CNTNAP2: variants seen among roughly 807,000 people sequenced by gnomAD.
The protein encoded by CNTNAP2 is contactin-associated protein-like 2.
A neutral mutation model predicts 155.2 loss-of-function variants in CNTNAP2; 98 were observed. The observed-to-expected ratio is 0.63, with a 90% CI of 0.54 to 0.75. The LOEUF is 0.75. Among genes scored for constraint, CNTNAP2 ranks in the 30% least tolerant of loss-of-function variants. The pLI is 0.00. For missense variants in CNTNAP2, 1,727 were observed against 1,688.1 expected (o/e 1.02, Z -0.40); for synonymous variants, 651 against 631.2 (o/e 1.03, Z -0.47).
intron 1 of CNTNAP2, among the ~76,000 whole-genome samples, chr7:146,512,417 A>T (rs1292316554): frequency 1.3e-5 from 2 of 151,138 alleles, no homozygotes; most frequent in African/African-American, 2.4e-5. Flanking sequence ...TTTTATGTAG[A>T]TGTTCATTGC....
chr7:147,373,002 T>C (rs1189735142), intron 9 of CNTNAP2, among the ~76,000 whole-genome samples: 6 of 152,152 alleles, frequency 3.9e-5, no homozygotes, highest in African/African-American at 1.4e-4. Flanking sequence ...TTTGTTAATA[T>C]ATTCCATCAC....
At chr7:146,484,899 G>T (rs1797031095) in intron 1 of CNTNAP2, among the ~76,000 whole-genome samples, 1 of 151,914 alleles carries the variant, frequency 6.6e-6, no homozygotes, top group Non-Finnish European at 1.5e-5. Context: ...GTTATTTTCT[G>T]TTTTCTTTAC....
rs76196611 is a variant in CNTNAP2, at chr7:146,168,118, G to A, written c.97+51145G>A. Among the ~76,000 whole-genome samples the A allele has an allele frequency of 6.0e-3, 909 of 152,140 alleles. 6 individuals carry two copies. The highest frequency in any genetic ancestry group is 0.021 in the African/African-American group (878 of 41,538). On this transcript the variant is annotated intron_variant, in intron 1 of 23. Coordinates refer to ENST00000361727, the MANE Select transcript of CNTNAP2 (RefSeq NM_014141.6). ...TGGCTGTGCTGGCAGCTAATTACAT[G>A]GTGCCCACCCAGATTGAGGGTGGGT...
intron 14 of CNTNAP2, among the ~76,000 whole-genome samples, chr7:147,964,965 A>G (rs749642338): frequency 5.3e-5 from 8 of 152,176 alleles, no homozygotes; most frequent in African/African-American, 9.6e-5. Flanking sequence ...TCACTGTGAA[A>G]TTATCTAGTT....
At chr7:147,887,303 C>T (rs989047032) in intron 13 of CNTNAP2, among the ~76,000 whole-genome samples, 1 of 152,094 alleles carries the variant, frequency 6.6e-6, no homozygotes, top group Non-Finnish European at 1.5e-5. Flanking sequence ...GAAACCCCAT[C>T]TCTACTAAAA....
intron 13 of CNTNAP2, among the ~76,000 whole-genome samples, chr7:147,745,161 A>G (rs951225077): frequency 1.3e-5 from 2 of 152,146 alleles, no homozygotes; most frequent in African/African-American, 4.8e-5. Flanking sequence ...AGGCAAATCA[A>G]TTTCTCAAGT....
chr7:147,100,396 T>C (rs1800629911), intron 4 of CNTNAP2, among the ~76,000 whole-genome samples: 1 of 152,148 alleles, frequency 6.6e-6, no homozygotes, highest in Non-Finnish European at 1.5e-5. Flanking sequence ...CCTCTGAAAA[T>C]CAATAACCAT....
At chr7:148,113,397 G>T (rs1030570023) in intron 15 of CNTNAP2, among the ~76,000 whole-genome samples, 2 of 152,110 alleles carry the variant, frequency 1.3e-5, no homozygotes, top group African/African-American at 4.8e-5. Flanking sequence ...CAAGGGCAAT[G>T]GTGCTAAACT....
intron 1 of CNTNAP2, among the ~76,000 whole-genome samples, chr7:146,749,568 A>G (rs1040658961): frequency 3.9e-5 from 6 of 152,224 alleles, no homozygotes; most frequent in African/African-American, 1.4e-4. Context: ...GGCAGCCAAA[A>G]AATGACTATC....
intron 13 of CNTNAP2, among the ~76,000 whole-genome samples, chr7:147,732,666 G>A (rs1426866101): frequency 6.6e-6 from 1 of 152,164 alleles, no homozygotes; most frequent in African/African-American, 2.4e-5. Context: ...GTGTAAAAGT[G>A]TTCCTATTTC....
At chr7:146,781,925 T>G (rs1802498346) in intron 2 of CNTNAP2, among the ~76,000 whole-genome samples, 1 of 152,186 alleles carries the variant, frequency 6.6e-6, no homozygotes, top group Non-Finnish European at 1.5e-5. Context: ...CTCCTCCTGC[T>G]GGTACTCTTC....
At chr7:148,383,343 A>G (rs1410590716) in intron 21 of CNTNAP2, among the ~76,000 whole-genome samples, 1 of 152,190 alleles carries the variant, frequency 6.6e-6, no homozygotes, top group Non-Finnish European at 1.5e-5. Flanking sequence ...AGAAAAATCA[A>G]TCAGAACCAA....
chr7:146,463,111 G>A (rs867353390), intron 1 of CNTNAP2, among the ~76,000 whole-genome samples: 3 of 151,942 alleles, frequency 2.0e-5, no homozygotes, highest in African/African-American at 7.3e-5. Flanking sequence ...AAGAAATAGA[G>A]GGAGGAAAAT....
chr7:147,338,818 A>T (rs1252147279), intron 9 of CNTNAP2, among the ~76,000 whole-genome samples: 1 of 152,030 alleles, frequency 6.6e-6, no homozygotes, highest in Non-Finnish European at 1.5e-5. Context: ...ATGTGTATGT[A>T]GATATATAAA....
intron 3 of CNTNAP2, among the ~76,000 whole-genome samples, chr7:146,881,334 T>C (rs1376747328): frequency 6.6e-6 from 1 of 152,186 alleles, no homozygotes; most frequent in Non-Finnish European, 1.5e-5. Flanking sequence ...CTCTAATTTT[T>C]CTTAGAGCTT....
intron 1 of CNTNAP2, among the ~76,000 whole-genome samples, chr7:146,420,830 T>C (rs1217771281): frequency 6.6e-6 from 1 of 152,116 alleles, no homozygotes; most frequent in Non-Finnish European, 1.5e-5. Context: ...TCATTATTGA[T>C]CAAGTGATGT....
At chr7:148,192,496 G>A (rs1795214606) in intron 18 of CNTNAP2, among the ~76,000 whole-genome samples, 1 of 149,244 alleles carries the variant, frequency 6.7e-6, no homozygotes, top group Admixed American at 6.7e-5. Flanking sequence ...CTCCCTCAAA[G>A]CCAACTGATA....
At chr7:147,521,961 G>A (rs1008834136) in intron 11 of CNTNAP2, among the ~76,000 whole-genome samples, 1 of 152,136 alleles carries the variant, frequency 6.6e-6, no homozygotes, top group Non-Finnish European at 1.5e-5. Context: ...AAACTGCATG[G>A]CTTATAAATA....
chr7:147,357,150 T>A (rs1287160972), intron 9 of CNTNAP2, among the ~76,000 whole-genome samples: 1 of 152,158 alleles, frequency 6.6e-6, no homozygotes, highest in East Asian at 1.9e-4. Context: ...CTATTATTAT[T>A]CTTTCTGGGT....
Sources: gnomAD v4.1 joint callset for allele counts (sites outside exome capture counted in the v4.1 genomes callset) on GRCh38, gnomAD v4.1.1 for gene constraint, MANE v1.5 for transcripts, NCBI Gene and HGNC (gene_info 2026-07-23, HGNC 2026-07-21) for gene names.